Variants in CASK observed in about 807,000 individuals in gnomAD.
The protein encoded by CASK is calcium/calmodulin dependent serine protein kinase.
CASK carries 4 observed loss-of-function variants against 82.9 expected under a neutral mutation model. The observed-to-expected ratio is 0.05, with a 90% CI of 0.02 to 0.11. The LOEUF is 0.11. Ranked by LOEUF, CASK falls within the 10% of genes least tolerant of loss-of-function variation. The pLI is 1.00. For synonymous variants in CASK, 259 were observed against 253.5 expected, an observed-to-expected ratio of 1.02 and a Z score of -0.20; for missense variants, 358 against 720.9, an observed-to-expected ratio of 0.50 and a Z score of 5.76.
intron 11 of CASK, among the ~76,000 whole-genome samples, chrX:41,616,864 C>A (rs2066209211): frequency 8.9e-6 from 1 of 112,139 alleles, no homozygotes; most frequent in Non-Finnish European, 1.9e-5. Context: ...CTGCCTAGGC[C>A]TCCCAAAGTG....
intron 5 of CASK, chrX:41,727,165 A>C: frequency 2.5e-6 from 3 of 1,207,941 alleles, no homozygotes; most frequent in Non-Finnish European, 3.4e-6. Flanking sequence ...AATAGGTAAA[A>C]AAACATCAAC....
rs778555014 is a variant in CASK at position 41,901,099 on chromosome X, CG to C, written c.59+21830del. ...TGTCCATTTCTTTATGACTGGTTAC[CG>C]GTGCTTCATTTTGTTCCTCTGGTGA... On this transcript the variant is annotated intron_variant, in intron 1 of 26. Coordinates refer to ENST00000378163, the MANE Select transcript of CASK (RefSeq NM_001367721.1). Among the ~76,000 whole-genome samples the C allele has an allele frequency of 1.7e-3, 192 of 111,414 alleles. 1 individual carries two copies. Among genetic ancestry groups the C allele is most frequent in the Admixed American group, 4.2e-3 (44 of 10,529 alleles).
At chrX:41,909,518 T>C (rs2072524817) in intron 1 of CASK, among the ~76,000 whole-genome samples, 1 of 112,160 alleles carries the variant, frequency 8.9e-6, no homozygotes, top group Non-Finnish European at 1.9e-5. Context: ...TATTAATGTC[T>C]ATAAATCAAA....
intron 10 of CASK, chrX:41,624,224 C>T (rs190084541): frequency 3.1e-4 from 107 of 342,085 alleles, no homozygotes; most frequent in African/African-American, 2.7e-3. Flanking sequence ...AAAGAAGTTA[C>T]AGGTGGAGGG....
intron 3 of CASK, among the ~76,000 whole-genome samples, chrX:41,776,100 AAC>A (rs1337562690): frequency 8.9e-6 from 1 of 112,474 alleles, no homozygotes; most frequent in Non-Finnish European, 1.9e-5. Context: ...ATAAACCAGT[AAC>A]AGAGTTATTT....
chrX:41,719,439 G>A (rs181467352), intron 5 of CASK, among the ~76,000 whole-genome samples: 12 of 111,911 alleles, frequency 1.1e-4, no homozygotes, highest in Admixed American at 9.4e-4. Flanking sequence ...TTGAGTTTGT[G>A]TATGTGTTTT....
chrX:41,626,561 G>T, intron 10 of CASK, 43 bp downstream of exon 10: 1 of 833,127 alleles, frequency 1.2e-6, no homozygotes, highest in Non-Finnish European at 1.8e-6. Flanking sequence ...GGATGTAAAT[G>T]CCAAATGACC....
intron 12 of CASK, chrX:41,589,914 G>C: frequency 8.2e-6 from 2 of 245,289 alleles, no homozygotes; most frequent in South Asian, 1.1e-4. Context: ...ACTTTCAATA[G>C]CATGAATACA....
chrX:41,919,829 G>A lies in CASK; in HGVS notation c.59+3101C>T, dbSNP rs115297068. Among the ~76,000 whole-genome samples the A allele has an allele frequency of 4.7e-3, 527 of 112,361 alleles. 6 individuals are homozygous for A. The highest frequency in any genetic ancestry group is 0.016 in the African/African-American group (502 of 30,940). ...GGGAAACGGCATCCTTCCAATATTT[G>A]TAACAAATTGGGCACATGTTCCCTC... On this transcript the variant is annotated intron_variant, in intron 1 of 26. Coordinates refer to ENST00000378163, the MANE Select transcript of CASK (RefSeq NM_001367721.1).
intron 12 of CASK, among the ~76,000 whole-genome samples, chrX:41,607,021 T>C (rs1392296121): frequency 8.9e-6 from 1 of 112,508 alleles, no homozygotes; most frequent in Non-Finnish European, 1.9e-5. Context: ...ATAGGCATGG[T>C]TCATTTTCAG....
At chrX:41,661,902 G>A (rs1415292059) in intron 7 of CASK, among the ~76,000 whole-genome samples, 1 of 110,590 alleles carries the variant, frequency 9.0e-6, no homozygotes, top group East Asian at 2.9e-4. Flanking sequence ...ACAGGGCTTG[G>A]GTAGACTTGT....
At chrX:41,705,527 C>T (rs1013800044) in intron 5 of CASK, among the ~76,000 whole-genome samples, 3 of 110,973 alleles carry the variant, frequency 2.7e-5, no homozygotes, top group Non-Finnish European at 5.7e-5. Context: ...TGCACTCAAG[C>T]CTGGGTGACA....
intron 13 of CASK, chrX:41,587,665 T>C (rs1348447163): frequency 8.9e-6 from 1 of 112,007 alleles, no homozygotes; most frequent in Non-Finnish European, 1.9e-5. Flanking sequence ...TTTTCTTCAC[T>C]AATTAGTCAT....
intron 24 of CASK, 89 bp from the exon 25 acceptor site, chrX:41,531,298 C>T (rs751381808): frequency 8.0e-6 from 6 of 748,348 alleles, no homozygotes; most frequent in South Asian, 2.1e-5. Context: ...CCAGTCTCTT[C>T]CTAAAAGCTG....
intron 25 of CASK, chrX:41,529,722 C>G (rs1336890092): frequency 8.9e-6 from 1 of 112,261 alleles, no homozygotes; most frequent in East Asian, 2.8e-4. Context: ...CTATATAGGT[C>G]CAAGTTAATT....
chrX:41,811,301 A>G lies in CASK; in HGVS notation c.173-24018T>C, dbSNP rs1374624705. Among the ~76,000 whole-genome samples the G allele has an allele frequency of 2.7e-5, 3 of 112,374 alleles. No individual in the cohort carries two copies. The East Asian group carries it at 8.3e-4, about 31-fold the overall frequency. ...TACATTCTTCTCAGCACCACATTGC[A>G]TTTATTCCAAAACTGACCACATAGT... On this transcript the variant is annotated intron_variant, in intron 2 of 26. Transcript: ENST00000378163.
intron 8 of CASK, among the ~76,000 whole-genome samples, chrX:41,652,351 C>T: frequency 8.9e-6 from 1 of 111,987 alleles, no homozygotes; most frequent in East Asian, 2.8e-4. Context: ...GCCATCAAAA[C>T]TAGATGAGCT....
chrX:41,865,511 T>C (rs1320657043), intron 1 of CASK, among the ~76,000 whole-genome samples: 1 of 112,015 alleles, frequency 8.9e-6, no homozygotes, highest in Non-Finnish European at 1.9e-5. Flanking sequence ...ATTAAAAACC[T>C]TATCAAATTC....
Position 41,520,384 on chromosome X carries a change from G to A in CASK, c.*36C>T, listed in dbSNP as rs371773454. On this transcript the variant is annotated 3_prime_UTR_variant, in exon 27 of 27. Coordinates refer to ENST00000378163, the MANE Select transcript of CASK (RefSeq NM_001367721.1). ...ACAAAGAGGCTTTTCCACAAATGAG[G>A]TGCTCCCAGTTATGCTCAGATATCT... is the stretch of plus-strand genomic sequence containing the variant. 2.7e-4 allele frequency: 304 copies of A among 1,124,235 alleles called. 1 individual carries two copies. Among genetic ancestry groups the A allele is most frequent in the Non-Finnish European group, 2.6e-5 (21 of 822,588 alleles). The allele number at this position is 1,124,235 out of a possible 1,213,427, so 92.6% of individuals were successfully genotyped here.
Sources: gnomAD v4.1 joint callset for allele counts (sites outside exome capture counted in the v4.1 genomes callset) on GRCh38, gnomAD v4.1.1 for gene constraint, MANE v1.5 for transcripts, NCBI Gene and HGNC (gene_info 2026-07-23, HGNC 2026-07-21) for gene names.